KHDRBS2: variants seen among roughly 807,000 people sequenced by gnomAD.
KHDRBS2 encodes KH RNA binding domain containing, signal transduction associated 2.
A neutral mutation model predicts 44.3 loss-of-function variants in KHDRBS2; 26 were observed. That is an observed-to-expected ratio of 0.59 (90% CI 0.43 to 0.81). The LOEUF (loss-of-function observed/expected upper bound fraction) is 0.81. Among genes scored for constraint, KHDRBS2 ranks in the 40% least tolerant of loss-of-function variants. KHDRBS2 has a pLI of 0.00. For synonymous variants in KHDRBS2, 194 were observed against 151.1 expected (o/e 1.28, Z -2.08); for missense variants, 476 against 433.1 (o/e 1.10, Z -0.88).
chr6:62,141,659 C>G (rs777781921), intron 2 of KHDRBS2, among the ~76,000 whole-genome samples: 3 of 152,092 alleles, frequency 2.0e-5, no homozygotes, highest in East Asian at 1.9e-4. Context: ...TATAGTCGGT[C>G]TTGATATATA....
At chr6:61,987,391 T>A (rs1775245233) in intron 3 of KHDRBS2, among the ~76,000 whole-genome samples, 1 of 152,354 alleles carries the variant, frequency 6.6e-6, no homozygotes, top group South Asian at 2.1e-4. Flanking sequence ...TGAAAACACA[T>A]GATATACTGT....
chr6:62,076,707 G>C (rs1408126493), intron 2 of KHDRBS2, among the ~76,000 whole-genome samples: 3 of 151,968 alleles, frequency 2.0e-5, no homozygotes, highest in African/African-American at 7.2e-5. Flanking sequence ...TCCATGTCCT[G>C]ACACTGACGA....
At chr6:61,570,024 G>A in the KHDRBS2 span, among the ~76,000 whole-genome samples, 2 of 152,028 alleles carry the variant, frequency 1.3e-5, no homozygotes, top group African/African-American at 4.8e-5. Flanking sequence ...GGGTTTTATA[G>A]CACACCCAAC....
the KHDRBS2 span, among the ~76,000 whole-genome samples, chr6:61,623,113 C>A: frequency 6.6e-6 from 1 of 151,988 alleles, no homozygotes; most frequent in African/African-American, 2.4e-5. Flanking sequence ...TTTACATTTA[C>A]AAACAGAAGA....
At chr6:61,551,384 C>A in the KHDRBS2 span, among the ~76,000 whole-genome samples, 1 of 151,984 alleles carries the variant, frequency 6.6e-6, no homozygotes, top group South Asian at 2.1e-4. Context: ...GTCCCATTTG[C>A]CAATTTTTGC....
intron 2 of KHDRBS2, among the ~76,000 whole-genome samples, chr6:62,103,255 G>T (rs941459398): frequency 3.9e-5 from 6 of 152,146 alleles, no homozygotes; most frequent in African/African-American, 1.4e-4. Context: ...CTAGAAACCT[G>T]TCTGCCTCTT....
chr6:61,556,681 A>G, the KHDRBS2 span, among the ~76,000 whole-genome samples: 1 of 152,104 alleles, frequency 6.6e-6, no homozygotes, highest in African/African-American at 2.4e-5. Context: ...AAAGAACCTA[A>G]TTCAGCTTAC....
chr6:62,179,787 A>G (rs143031865), intron 1 of KHDRBS2, among the ~76,000 whole-genome samples: 104 of 151,970 alleles, frequency 6.8e-4, no homozygotes, highest in African/African-American at 2.4e-3. Flanking sequence ...CCTTTCCATC[A>G]AGAAATGGAG....
At chr6:61,699,176 T>C (rs181668043) in intron 7 of KHDRBS2, among the ~76,000 whole-genome samples, 167 of 152,216 alleles carry the variant, frequency 1.1e-3, no homozygotes, top group African/African-American at 3.9e-3. Context: ...TGAATATTTA[T>C]AGGACAATAG....
intron 6 of KHDRBS2, among the ~76,000 whole-genome samples, chr6:61,782,736 T>C (rs2880770): frequency 0.46 from 50,137 of 109,466 alleles, 11,394 homozygotes; most frequent in South Asian, 0.61. Context: ...TATATATATA[T>C]ATACACACAC....
chr6:61,652,329 A>G, the KHDRBS2 span: 1 of 152,108 alleles, frequency 6.6e-6, no homozygotes, highest in Admixed American at 6.6e-5. Flanking sequence ...TGTGGAGAAA[A>G]AAAGAAGATG....
intron 6 of KHDRBS2, among the ~76,000 whole-genome samples, chr6:61,764,596 C>T (rs1351325420): frequency 2.6e-5 from 4 of 151,916 alleles, no homozygotes; most frequent in Non-Finnish European, 5.9e-5. Context: ...GGTATCTCAT[C>T]GTGGTTTCGA....
At chr6:62,192,314 G>T (rs745721780) in intron 1 of KHDRBS2, among the ~76,000 whole-genome samples, 9 of 151,956 alleles carry the variant, frequency 5.9e-5, no homozygotes, top group African/African-American at 9.7e-5. Flanking sequence ...TGTCCTATGT[G>T]TGTGTAAAAA....
chr6:62,157,682 A>G (rs778076035), intron 2 of KHDRBS2, among the ~76,000 whole-genome samples: 12 of 152,164 alleles, frequency 7.9e-5, no homozygotes, highest in Non-Finnish European at 1.5e-4. Flanking sequence ...TCATTATTTA[A>G]TATTATATGT....
chr6:62,125,837 G>A (rs539987501), intron 2 of KHDRBS2, among the ~76,000 whole-genome samples: 2 of 152,258 alleles, frequency 1.3e-5, no homozygotes, highest in South Asian at 2.1e-4. Context: ...TAAGCAGCAC[G>A]GGTAGCCAGG....
chr6:61,874,477 A>G (rs1436561830), intron 6 of KHDRBS2, among the ~76,000 whole-genome samples: 2 of 152,076 alleles, frequency 1.3e-5, no homozygotes, highest in Non-Finnish European at 2.9e-5. Context: ...CCCATTCTTC[A>G]TCACCAGTAA....
chr6:61,612,604 C>A, the KHDRBS2 span, among the ~76,000 whole-genome samples: 3 of 152,166 alleles, frequency 2.0e-5, no homozygotes, highest in Non-Finnish European at 4.4e-5. Context: ...ATGACAGTGG[C>A]ATTATCTATT....
intron 2 of KHDRBS2, among the ~76,000 whole-genome samples, chr6:62,158,667 AT>A (rs1176256660): frequency 2.6e-5 from 4 of 152,140 alleles, no homozygotes; most frequent in Non-Finnish European, 4.4e-5. Context: ...ATCCATATAA[AT>A]TAAGGTTTCT....
At chr6:61,753,912 G>GA (rs1308054066) in intron 6 of KHDRBS2, among the ~76,000 whole-genome samples, 3 of 152,136 alleles carry the variant, frequency 2.0e-5, no homozygotes, top group African/African-American at 7.2e-5. Context: ...GAGGGAAGCA[G>GA]AGGGAGATAA....
Sources: gnomAD v4.1 joint callset for allele counts (sites outside exome capture counted in the v4.1 genomes callset) on GRCh38, gnomAD v4.1.1 for gene constraint, MANE v1.5 for transcripts, NCBI Gene and HGNC (gene_info 2026-07-23, HGNC 2026-07-21) for gene names.